SQSTM1: variants seen among roughly 807,000 people sequenced by gnomAD.
SQSTM1 encodes sequestosome-1.
In SQSTM1, 36 loss-of-function variants were observed where a neutral mutation model predicts 45.1. The ratio of observed to expected loss-of-function variants is 0.80; its 90% confidence interval spans 0.61 to 1.05. The LOEUF is 1.05. SQSTM1 is among the 50% of genes least tolerant of loss of function. The probability of loss-of-function intolerance (pLI) is 0.00; values close to 1 mark genes in which losing one functional copy is unlikely to be tolerated. For missense variants in SQSTM1, 617 were observed against 607.1 expected (o/e 1.02, Z -0.17); for synonymous variants, 290 against 244.3 (o/e 1.19, Z -1.74).
chr5:179,823,590 G>T, intron 2 of SQSTM1: 1 of 545,150 alleles, frequency 1.8e-6, no homozygotes, highest in Non-Finnish European at 3.3e-6. Context: ...GTGCCGTGGC[G>T]CTTGGGTGAA....
rs768348048 is a variant in SQSTM1 at position 179,837,538 on chromosome 5, C to T, written c.*945C>T. The T allele has an allele frequency of 3.7e-6, 6 of 1,614,108 alleles. No individual in the cohort carries two copies. In the South Asian group the frequency reaches 6.6e-5, roughly 18 times the overall value. On this transcript the variant is annotated 3_prime_UTR_variant, in exon 8 of 8. Coordinates refer to ENST00000389805, the MANE Select transcript of SQSTM1 (RefSeq NM_003900.5). ...AGGTCTTCCCGCAAGGCCTCTCAGA[C>T]CCAGATGTGACGGGGTGTGTGGCCC...
chr5:179,825,063 G>A (rs958068323), intron 4 of SQSTM1, 83 bp from the exon 5 acceptor site: 7 of 1,410,492 alleles, frequency 5.0e-6, no homozygotes, highest in South Asian at 1.2e-5. Flanking sequence ...GGAACACAGG[G>A]ACCTTGGCAA....
At chr5:179,813,819 CAG>C (rs948793070) in intron 2 of SQSTM1, among the ~76,000 whole-genome samples, 20 of 152,236 alleles carry the variant, frequency 1.3e-4, no homozygotes, top group African/African-American at 4.6e-4. Flanking sequence ...TAAGAGGAAA[CAG>C]AGATAAGCCC....
chr5:179,811,282 G>C (rs1449645566), intron 1 of SQSTM1, among the ~76,000 whole-genome samples: 1 of 151,088 alleles, frequency 6.6e-6, no homozygotes, highest in Non-Finnish European at 1.5e-5. Flanking sequence ...CTAAGCACTG[G>C]AAGAACTGGG....
intron 5 of SQSTM1, among the ~76,000 whole-genome samples, chr5:179,830,331 A>G (rs1758159312): frequency 6.6e-6 from 1 of 152,184 alleles, no homozygotes; most frequent in Non-Finnish European, 1.5e-5. Flanking sequence ...GCAAACAAAC[A>G]TGAACAGCTA....
chr5:179,824,674 G>C (rs1757925142), intron 4 of SQSTM1, among the ~76,000 whole-genome samples: 1 of 152,214 alleles, frequency 6.6e-6, no homozygotes, highest in South Asian at 2.1e-4. Context: ...AGGAAGATCA[G>C]AGCCAAAGTT....
At chr5:179,825,696 C>G (rs187359059) in intron 5 of SQSTM1, among the ~76,000 whole-genome samples, 1 of 152,132 alleles carries the variant, frequency 6.6e-6, no homozygotes, top group Non-Finnish European at 1.5e-5. Context: ...TGCCTCAGAG[C>G]GGGGAGAAGG....
At chr5:179,822,758 AG>A (rs1757830718) in intron 1 of SQSTM1, 199 bp from the exon 2 acceptor site, 3 of 652,506 alleles carry the variant, frequency 4.6e-6, no homozygotes, top group South Asian at 1.6e-5. Flanking sequence ...TCCAGGGCCC[AG>A]GTCGGAGCAC....
intron 5 of SQSTM1, among the ~76,000 whole-genome samples, chr5:179,828,316 ATTC>A (rs1478679778): frequency 1.4e-5 from 2 of 143,620 alleles, no homozygotes; most frequent in Non-Finnish European, 3.0e-5. Context: ...TGATTGTACT[ATTC>A]TTTCAACTTT....
intron 2 of SQSTM1, chr5:179,812,595 G>C (rs56184009): frequency 1.3e-5 from 2 of 152,276 alleles, no homozygotes; most frequent in Admixed American, 1.3e-4. Context: ...TCTGGACATG[G>C]AAGTGTCGAG....
At chr5:179,813,957 C>T (rs968092330), upstream of SQSTM1, among the ~76,000 whole-genome samples, 13 of 152,178 alleles carry the variant, frequency 8.5e-5, no homozygotes, top group African/African-American at 3.1e-4. Flanking sequence ...TTTCCCCCAA[C>T]CTTTTGTTGG....
intron 5 of SQSTM1, among the ~76,000 whole-genome samples, chr5:179,826,132 C>T (rs993272203): frequency 2.0e-5 from 3 of 150,586 alleles, no homozygotes; most frequent in Non-Finnish European, 4.4e-5. Context: ...GGCTACAGGG[C>T]GTGACTGCCA....
At chr5:179,826,832 C>T (rs187605881) in intron 5 of SQSTM1, among the ~76,000 whole-genome samples, 2 of 149,840 alleles carry the variant, frequency 1.3e-5, no homozygotes, top group East Asian at 2.0e-4. Flanking sequence ...ACACCTGCCT[C>T]GGCCTCCCAA....
upstream of SQSTM1, among the ~76,000 whole-genome samples, chr5:179,814,591 A>C (rs552198863): frequency 6.6e-6 from 1 of 152,354 alleles, no homozygotes; most frequent in East Asian, 1.9e-4. Flanking sequence ...AGGCATAACC[A>C]TGTGGAAATC....
At chr5:179,828,369 C>CTTTTTTTTTTTTTTTTTTTTT (rs57483633) in intron 5 of SQSTM1, among the ~76,000 whole-genome samples, 8 of 98,298 alleles carry the variant, frequency 8.1e-5, no homozygotes, top group African/African-American at 2.4e-4. Flanking sequence ...TTTTTCTTAT[C>CTTTTTTTTTTTTTTTTTTTTT]TTTTTTTTTT....
Position 179,837,155 on chromosome 5 carries a change from C to A in SQSTM1, c.*562C>A. 7.0e-7 allele frequency: 1 copy of A among 1,431,636 alleles called. No homozygotes were observed. Among genetic ancestry groups the A allele is most frequent in the East Asian group, 2.5e-5 (1 of 40,466 alleles). The allele number at this position is 1,431,636 out of a possible 1,614,324, so 88.7% of individuals were successfully genotyped here. A position where few individuals can be genotyped will look rare whatever the true frequency, so the allele number is the denominator to read the frequency against. On this transcript the variant is annotated 3_prime_UTR_variant, in exon 8 of 8. Transcript: ENST00000389805. ...GGTCTCTTCACCACTGTAGTTCTCTCATTTCCAAACCATCAGCTGCTTTTA... is the reference window on the plus strand; with the variant it reads ...GGTCTCTTCACCACTGTAGTTCTCTAATTTCCAAACCATCAGCTGCTTTTA...
At chr5:179,819,588 G>C (rs1757694826), upstream of SQSTM1, among the ~76,000 whole-genome samples, 1 of 152,244 alleles carries the variant, frequency 6.6e-6, no homozygotes, top group African/African-American at 2.4e-5. Flanking sequence ...CTGGGCTGCT[G>C]AGTCACGCTT....
chr5:179,815,278 A>G (rs1383005422), upstream of SQSTM1, among the ~76,000 whole-genome samples: 1 of 152,004 alleles, frequency 6.6e-6, no homozygotes, highest in African/African-American at 2.4e-5. Flanking sequence ...TTAGCCAGAT[A>G]TGGTGGTGGG....
At chr5:179,808,791 A>C (rs529826230) in intron 1 of SQSTM1, among the ~76,000 whole-genome samples, 112 of 152,294 alleles carry the variant, frequency 7.4e-4, no homozygotes, top group African/African-American at 2.2e-3. Flanking sequence ...CATCTCATTA[A>C]AAATTTTAAA....
Sources: gnomAD v4.1 joint callset for allele counts (sites outside exome capture counted in the v4.1 genomes callset) on GRCh38, gnomAD v4.1.1 for gene constraint, MANE v1.5 for transcripts, NCBI Gene and HGNC (gene_info 2026-07-23, HGNC 2026-07-21) for gene names.